PCYT1B: variants seen among roughly 807,000 people sequenced by gnomAD.
PCYT1B encodes the protein choline-phosphate cytidylyltransferase B.
Under a neutral mutation model 26.4 loss-of-function variants are expected in PCYT1B, and 10 were observed. That is an observed-to-expected ratio of 0.38 (90% CI 0.23 to 0.64). The LOEUF (loss-of-function observed/expected upper bound fraction) is 0.64. Among genes scored for constraint, PCYT1B ranks in the 30% least tolerant of loss-of-function variants. The pLI is 0.56. For synonymous variants in PCYT1B, 131 were observed against 108.4 expected (o/e 1.21, Z -1.29); for missense variants, 161 against 292.7 (o/e 0.55, Z 3.28).
At chrX:24,651,248 G>T (rs1208535682), upstream of PCYT1B, among the ~76,000 whole-genome samples, 1 of 107,810 alleles carries the variant, frequency 9.3e-6, no homozygotes. Context: ...ATGAGGTCAA[G>T]AGATCGAGAC....
chrX:24,604,382 C>T (rs752234416), intron 3 of PCYT1B, among the ~76,000 whole-genome samples: 6 of 109,836 alleles, frequency 5.5e-5, no homozygotes, highest in South Asian at 3.9e-4. Flanking sequence ...TGAGCCACTG[C>T]GCCCAGCCAG....
chrX:24,668,116 T>C (rs1927164249), intron 1 of PCYT1B, among the ~76,000 whole-genome samples: 1 of 112,395 alleles, frequency 8.9e-6, no homozygotes, highest in Non-Finnish European at 1.9e-5. Flanking sequence ...ACATTCTCTC[T>C]TCTCTCCTAT....
intron 7 of PCYT1B, among the ~76,000 whole-genome samples, chrX:24,569,011 A>G (rs1044892734): frequency 9.0e-6 from 1 of 111,006 alleles, no homozygotes; most frequent in Non-Finnish European, 1.9e-5. Context: ...GAAGCAGAAG[A>G]ATCACTTGAA....
chrX:24,661,750 C>T (rs376317025), intron 1 of PCYT1B, among the ~76,000 whole-genome samples: 11 of 112,344 alleles, frequency 9.8e-5, no homozygotes, highest in African/African-American at 3.2e-4. Flanking sequence ...AATATGTACA[C>T]TGTATTATTT....
intron 7 of PCYT1B, among the ~76,000 whole-genome samples, chrX:24,564,742 T>G (rs188971560): frequency 1.5e-3 from 162 of 111,429 alleles, no homozygotes; most frequent in African/African-American, 4.8e-3. Flanking sequence ...AATTCCCTCA[T>G]GACCCTTTGG....
At chrX:24,638,541 A>G (rs1921918) in intron 1 of PCYT1B, among the ~76,000 whole-genome samples, 55,921 of 110,755 alleles carry the variant, frequency 0.5, 10,481 homozygotes, top group East Asian at 0.69. Flanking sequence ...TTGGAAGAAA[A>G]TAGGCCTAGC....
intron 7 of PCYT1B, among the ~76,000 whole-genome samples, chrX:24,564,797 C>T (rs1360052864): frequency 9.0e-6 from 1 of 110,788 alleles, no homozygotes; most frequent in Non-Finnish European, 1.9e-5. Context: ...GTTTTCTGTC[C>T]CTACAGTTGT....
At chrX:24,629,464 G>A (rs1925978826) in intron 1 of PCYT1B, among the ~76,000 whole-genome samples, 1 of 101,740 alleles carries the variant, frequency 9.8e-6, no homozygotes, top group Admixed American at 1.1e-4. Flanking sequence ...AGGCTGAGGT[G>A]GGAGGATTGC....
chrX:24,638,751 C>A (rs759093242), intron 1 of PCYT1B, among the ~76,000 whole-genome samples: 1 of 111,736 alleles, frequency 8.9e-6, no homozygotes, highest in Non-Finnish European at 1.9e-5. Context: ...CCCCAAGTAG[C>A]AAGCTTAGAT....
chrX:24,649,157 C>T (rs1926713822), upstream of PCYT1B, among the ~76,000 whole-genome samples: 1 of 111,671 alleles, frequency 9.0e-6, no homozygotes, highest in Non-Finnish European at 1.9e-5. Context: ...CAAAACACTT[C>T]CAGCAGCAGG....
At chrX:24,576,793 C>A (rs967336184) in intron 6 of PCYT1B, among the ~76,000 whole-genome samples, 2 of 110,754 alleles carry the variant, frequency 1.8e-5, no homozygotes, top group Non-Finnish European at 3.8e-5. Flanking sequence ...TACTAGGTGA[C>A]CTTAGGTGAG....
intron 1 of PCYT1B, among the ~76,000 whole-genome samples, chrX:24,657,516 T>C (rs753031162): frequency 1.8e-5 from 2 of 112,340 alleles, no homozygotes; most frequent in Non-Finnish European, 3.7e-5. Context: ...TGATAGTTTA[T>C]GATAAATGTA....
intron 1 of PCYT1B, among the ~76,000 whole-genome samples, chrX:24,657,674 C>T (rs1015178516): frequency 9.0e-6 from 1 of 111,710 alleles, no homozygotes; most frequent in Non-Finnish European, 1.9e-5. Context: ...CCAAGCTACG[C>T]CCAGTATGAA....
chrX:24,572,937 T>TAC lies in PCYT1B; in HGVS notation c.897+2191_897+2192dup, dbSNP rs1555955697. 4.8e-3 allele frequency among the ~76,000 whole-genome samples: 490 copies of TAC among 103,147 alleles called. 8 individuals are homozygous for TAC. Among genetic ancestry groups the TAC allele is most frequent in the African/African-American group, 0.016 (459 of 28,124 alleles). The allele number at this position is 103,147 out of a possible 115,157, so 89.6% of individuals were successfully genotyped here. On this transcript the variant is annotated intron_variant, in intron 7 of 7. Transcript: ENST00000379144. ...ATCAAATTATATATATATATATATATACACACACACACATATACACACATA... is the reference window on the plus strand; with the variant it reads ...ATCAAATTATATATATATATATATATACACACACACACACATATACACACATA...
At chrX:24,612,850 C>T (rs975285202) in intron 2 of PCYT1B, among the ~76,000 whole-genome samples, 2 of 112,042 alleles carry the variant, frequency 1.8e-5, no homozygotes, top group Non-Finnish European at 3.8e-5. Flanking sequence ...TTGGTATTTG[C>T]TTCAGATTCA....
At chrX:24,590,552 C>T (rs1924525276) in intron 3 of PCYT1B, among the ~76,000 whole-genome samples, 2 of 110,898 alleles carry the variant, frequency 1.8e-5, no homozygotes, top group South Asian at 7.6e-4. Context: ...AGGAGAGGAA[C>T]CAAGAGGCCT....
intron 1 of PCYT1B, among the ~76,000 whole-genome samples, chrX:24,663,831 A>G (rs1023254092): frequency 1.8e-5 from 2 of 111,180 alleles, no homozygotes; most frequent in African/African-American, 6.5e-5. Context: ...AGACAGGAGA[A>G]TCACTTGAAC....
intron 6 of PCYT1B, among the ~76,000 whole-genome samples, chrX:24,578,674 T>C (rs1361260494): frequency 1.8e-5 from 2 of 111,758 alleles, no homozygotes; most frequent in Non-Finnish European, 3.8e-5. Context: ...TTTAAAACGT[T>C]AGAATAAAAA....
chrX:24,672,359 C>A (rs772698990), intron 1 of PCYT1B, among the ~76,000 whole-genome samples: 1 of 111,904 alleles, frequency 8.9e-6, no homozygotes, highest in East Asian at 2.8e-4. Context: ...AGCTGACATA[C>A]TCTGCAAGGG....
Sources: allele counts gnomAD v4.1 joint callset (sites outside exome capture counted in the v4.1 genomes callset), GRCh38; gene constraint gnomAD v4.1.1; transcripts MANE v1.5; gene names NCBI Gene and HGNC (gene_info 2026-07-23, HGNC 2026-07-21).